The following WDFY3 variants were observed in gnomAD, a reference collection of about 807,000 sequenced individuals.
The protein encoded by WDFY3 is WD repeat and FYVE domain containing 3.
WDFY3 carries 66 observed loss-of-function variants against 409.6 expected under a neutral mutation model. The observed-to-expected ratio is 0.16, with a 90% CI of 0.13 to 0.20. The LOEUF (loss-of-function observed/expected upper bound fraction) is 0.20, where lower values mean the gene tolerates loss of function less well. Among genes scored for constraint, WDFY3 ranks in the 10% least tolerant of loss-of-function variants. The pLI is 1.00. For synonymous variants in WDFY3, 1,521 were observed against 1,537.1 expected, an observed-to-expected ratio of 0.99 and a Z score of 0.25; for missense variants, 3,031 against 4,298.1, an observed-to-expected ratio of 0.71 and a Z score of 8.24.
intron 25 of WDFY3, among the ~76,000 whole-genome samples, chr4:84,781,392 G>T (rs113253896): frequency 0.19 from 23,602 of 126,530 alleles, 3,448 homozygotes; most frequent in African/African-American, 0.42. Flanking sequence ...TTTCCCTTTT[G>T]TTTTTTTTTT....
intron 56 of WDFY3, among the ~76,000 whole-genome samples, chr4:84,700,881 G>A (rs559889573): frequency 6.6e-5 from 10 of 152,238 alleles, no homozygotes; most frequent in South Asian, 6.2e-4. Context: ...TGGCTGAGAC[G>A]GGCAGATGAC....
intron 61 of WDFY3, among the ~76,000 whole-genome samples, chr4:84,688,755 T>G (rs1418915504): frequency 6.6e-6 from 1 of 152,172 alleles, no homozygotes; most frequent in East Asian, 1.9e-4. Flanking sequence ...CACATGGCTG[T>G]AGCACGTGGT....
At chr4:84,675,802 A>C (rs1049555620) in intron 67 of WDFY3, among the ~76,000 whole-genome samples, 1 of 152,210 alleles carries the variant, frequency 6.6e-6, no homozygotes, top group Non-Finnish European at 1.5e-5. Flanking sequence ...AGAAAAAGTA[A>C]CGACTGTGGA....
chr4:84,747,513 T>C (rs1210520068), intron 36 of WDFY3, among the ~76,000 whole-genome samples: 1 of 152,158 alleles, frequency 6.6e-6, no homozygotes, highest in Admixed American at 6.5e-5. Context: ...TTGTAGAAGA[T>C]GGTTGGCATA....
chr4:84,838,780 A>C (rs1238270942), intron 6 of WDFY3, among the ~76,000 whole-genome samples: 1 of 152,190 alleles, frequency 6.6e-6, no homozygotes, highest in Non-Finnish European at 1.5e-5. Flanking sequence ...GCTATGTCTC[A>C]AAGTTTACTG....
At chr4:84,789,248 A>T (rs1748063740) in intron 22 of WDFY3, among the ~76,000 whole-genome samples, 1 of 152,132 alleles carries the variant, frequency 6.6e-6, no homozygotes, top group Non-Finnish European at 1.5e-5. Flanking sequence ...GTAGTCATTC[A>T]TTCAAGAAAC....
chr4:84,891,370 CA>C (rs988713537), intron 3 of WDFY3, among the ~76,000 whole-genome samples: 3 of 148,666 alleles, frequency 2.0e-5, no homozygotes, highest in Non-Finnish European at 3.0e-5. Context: ...TATTTTCAAC[CA>C]AAAAAAAAGA....
chr4:84,764,636 T>A (rs1330937258), intron 32 of WDFY3, among the ~76,000 whole-genome samples: 1 of 150,960 alleles, frequency 6.6e-6, no homozygotes, highest in Non-Finnish European at 1.5e-5. Flanking sequence ...CGAAGGCGGG[T>A]GGATCACGAG....
At chr4:84,850,143 T>G (rs1459720595) in intron 4 of WDFY3, 118 bp from the exon 5 acceptor site, 1 of 1,061,918 alleles carries the variant, frequency 9.4e-7, no homozygotes, top group African/African-American at 1.6e-5. Flanking sequence ...CCTACACAGT[T>G]ACTTTGAATC....
At chr4:84,885,983 G>GT (rs1346715498) in intron 3 of WDFY3, among the ~76,000 whole-genome samples, 3 of 152,058 alleles carry the variant, frequency 2.0e-5, no homozygotes, top group Non-Finnish European at 4.4e-5. Flanking sequence ...ACTATATATA[G>GT]TTATTTAAAA....
chr4:84,952,468 C>T (rs150231468), intron 1 of WDFY3, among the ~76,000 whole-genome samples: 1 of 152,284 alleles, frequency 6.6e-6, no homozygotes, highest in African/African-American at 2.4e-5. Context: ...ATCTGCTATA[C>T]TGAATGACCT....
At chr4:84,921,387 AAAGGT>A (rs1281560956) in intron 2 of WDFY3, among the ~76,000 whole-genome samples, 3 of 152,020 alleles carry the variant, frequency 2.0e-5, no homozygotes, top group African/African-American at 7.2e-5. Flanking sequence ...AAAAAGTTAA[AAAGGT>A]AAGGGAAAAG....
intron 2 of WDFY3, among the ~76,000 whole-genome samples, chr4:84,914,453 A>T (rs781586156): frequency 6.6e-6 from 1 of 152,084 alleles, no homozygotes; most frequent in Non-Finnish European, 1.5e-5. Flanking sequence ...ACAAAAAAAA[A>T]TAGGTTATTA....
intron 41 of WDFY3, 112 bp from the exon 42 acceptor site, chr4:84,736,439 C>G: frequency 1.0e-6 from 1 of 984,630 alleles, no homozygotes; most frequent in Non-Finnish European, 1.4e-6. Flanking sequence ...AAAAGTAGCA[C>G]ATATTACAGA....
chr4:84,840,606 A>G (rs1295718409), intron 6 of WDFY3, among the ~76,000 whole-genome samples: 1 of 151,940 alleles, frequency 6.6e-6, no homozygotes, highest in East Asian at 1.9e-4. Flanking sequence ...TTTTAGAGAC[A>G]GGGTCTCACT....
At chr4:84,851,104 A>T (rs574675484) in intron 4 of WDFY3, among the ~76,000 whole-genome samples, 1 of 151,562 alleles carries the variant, frequency 6.6e-6, no homozygotes, top group South Asian at 2.1e-4. Context: ...AATAATTTTT[A>T]AAAATAAATG....
At position 84,820,139 on chromosome 4, in the gene WDFY3, A is replaced by T; in HGVS notation, c.1639T>A (p.Leu547Ile). 1 of 1,608,488 alleles carries T rather than the reference A, an allele frequency of 6.2e-7. No homozygotes were observed. Among genetic ancestry groups the T allele is most frequent in the Non-Finnish European group, 8.5e-7 (1 of 1,176,618 alleles). Residue 547 changes from leucine (L) to isoleucine (I), a missense_variant, in exon 12 of 68, where the codon TTA (leucine) becomes ATA (isoleucine). Transcript: ENST00000295888. ...ACTGTCAAGGTCTCCATAACCAATA[A>T]AGCCAGGTGTTTTTGGTCTTCAACT... is the stretch of plus-strand genomic sequence containing the variant. Reference protein sequence around the residue: ...SSVEDQKHLALLVMETLTVLL... With the variant: ...SSVEDQKHLAILVMETLTVLL...
chr4:84,941,866 A>G (rs1772181018), intron 1 of WDFY3, among the ~76,000 whole-genome samples: 2 of 152,122 alleles, frequency 1.3e-5, no homozygotes, highest in African/African-American at 4.8e-5. Flanking sequence ...ACAGATACAC[A>G]CAAACATGGT....
At chr4:84,703,971 A>C (rs1731507818) in intron 55 of WDFY3, among the ~76,000 whole-genome samples, 1 of 152,212 alleles carries the variant, frequency 6.6e-6, no homozygotes, top group Non-Finnish European at 1.5e-5. Context: ...TATTTATTAA[A>C]TATTTGCTGA....
Sources: allele counts gnomAD v4.1 joint callset (sites outside exome capture counted in the v4.1 genomes callset), GRCh38; gene constraint gnomAD v4.1.1; transcripts MANE v1.5; gene names NCBI Gene and HGNC (gene_info 2026-07-23, HGNC 2026-07-21).